Variants in PAQR7 observed in about 807,000 individuals in gnomAD.
The protein encoded by PAQR7 is membrane progestin receptor alpha.
In PAQR7, 14 loss-of-function variants were observed where a neutral mutation model predicts 24.6. The ratio of observed to expected loss-of-function variants is 0.57; its 90% CI spans 0.38 to 0.89. The LOEUF (loss-of-function observed/expected upper bound fraction) is 0.89. PAQR7 is among the 40% of genes least tolerant of loss of function. The pLI, the probability that PAQR7 is intolerant of heterozygous loss-of-function variation, is 0.00. For missense variants in PAQR7, 351 were observed against 444.0 expected (o/e 0.79, Z 1.88); for synonymous variants, 189 against 198.8 (o/e 0.95, Z 0.42).
Position 25,863,645 on chromosome 1 carries a change from C to A in PAQR7, c.195G>T (p.Leu65=), listed in dbSNP as rs747099473. ...TCACGGCCTCGTTGTGCTGCTGGAA[C>A]AGCGTGCGGAAATAGAAGCGCCAGG... The part of the protein sequence containing the change: ...HQTWRFYFRT[L]FQQHNEAVNV... The change falls in exon 3 of 3, where the codon CTG becomes CTT. Residue 65 remains leucine, a synonymous_variant. Transcript: ENST00000675840. The surrounding 1 kb of genome is among the most constrained non-coding windows in gnomAD (Gnocchi z 6.1). The A allele has an allele frequency of 6.2e-7, 1 of 1,614,184 alleles. No individual in the cohort carries two copies. The highest frequency in any genetic ancestry group is 8.5e-7 in the Non-Finnish European group (1 of 1,180,016).
In PAQR7 at chr1:25,863,233, GGCCCA is replaced by G. The variant is rs1168538064; in HGVS notation, c.602_606del (p.Leu201ProfsTer17). ...ACGGAGGGCACCTCCTGGCATGTGC[GGCCCA>G]GCAGGCCTGGTTTCTGGATGTACTT... On this transcript the variant is annotated frameshift_variant, in exon 3 of 3. Transcript: ENST00000675840. LOFTEE classifies it high-confidence loss of function. This position sits in a 1 kb window ranked among gnomAD's most constrained non-coding sequence, Gnocchi z 6.1. The G allele has an allele frequency of 1.2e-6, 2 of 1,614,126 alleles. No homozygotes were observed. Among genetic ancestry groups the G allele is most frequent in the Non-Finnish European group, 1.7e-6 (2 of 1,180,050 alleles).
chr1:25,868,104 C>T (rs975286429), intron 2 of PAQR7, among the ~76,000 whole-genome samples: 10 of 152,278 alleles, frequency 6.6e-5, no homozygotes, highest in African/African-American at 2.2e-4. Context: ...ACAATCTGGC[C>T]CCCACTCTTG....
chr1:25,869,162 G>A (rs141790720), intron 2 of PAQR7, among the ~76,000 whole-genome samples: 116 of 152,186 alleles, frequency 7.6e-4, no homozygotes, highest in Non-Finnish European at 1.5e-4. Context: ...AATGTAGAAA[G>A]TGTTTACTAT....
At chr1:25,867,236 T>C (rs12059832) in intron 2 of PAQR7, among the ~76,000 whole-genome samples, 4,102 of 149,932 alleles carry the variant, frequency 0.027, 195 homozygotes, top group African/African-American at 0.094. Context: ...GGGTCTCACT[T>C]TGTTGCCCAG....
At position 25,862,994 on chromosome 1, in the gene PAQR7, CAAG is replaced by C. The variant is rs1160098290; in HGVS notation, c.843_845del (p.Phe281del). 6.2e-6 allele frequency: 10 copies of C among 1,614,150 alleles called. No homozygotes were observed. The South Asian group carries it at 6.6e-5, about 11-fold the overall frequency. ...CCAGCTGAGCCAGCGTGCACAGCAC[CAAG>C]AAGATGTGGAAAAGTTGGTGGCCCT... On this transcript the variant is annotated inframe_deletion, in exon 3 of 3. Coordinates refer to ENST00000675840, the MANE Select transcript of PAQR7 (RefSeq NM_178422.6).
Position 25,863,474 on chromosome 1 carries a change from G to A in PAQR7, c.366C>T (p.Ala122=). 6.2e-7 allele frequency: 1 copy of A among 1,614,222 alleles called. No individual in the cohort carries two copies. Among genetic ancestry groups the A allele is most frequent in the Non-Finnish European group, 8.5e-7 (1 of 1,180,042 alleles). The part of the protein sequence containing the change: ...LASFTYLSFS[A]LAHLLQAKSE... Reference sequence around the variant, plus strand: ...ACTTGGCCTGCAGGAGGTGAGCCAAGGCACTGAAGGAGAGGTAGGTGAAAG... The same window carrying A: ...ACTTGGCCTGCAGGAGGTGAGCCAAAGCACTGAAGGAGAGGTAGGTGAAAG... The change falls in exon 3 of 3, where the codon GCC becomes GCT. Residue 122 remains alanine (A), a synonymous_variant. Coordinates refer to ENST00000675840, the MANE Select transcript of PAQR7 (RefSeq NM_178422.6). The surrounding 1 kb of genome is among the most constrained non-coding windows in gnomAD (Gnocchi z 6.1).
Position 25,863,737 on chromosome 1 carries a change from G to A in PAQR7, c.103C>T (p.Arg35Ter), listed in dbSNP as rs1308220681. Reference sequence around the variant, plus strand: ...CAGAAGAGCGGCGGCACCTCAGCTCGATCCACCGTGAAGACAGGCTCTGGC... The same window carrying A: ...CAGAAGAGCGGCGGCACCTCAGCTCAATCCACCGTGAAGACAGGCTCTGGC... ...LQPEPVFTVDRAEVPPLFWKP... is the reference protein window; with the variant it reads ...LQPEPVFTVD Residue 35 changes from arginine (R) to a stop codon, truncating the protein, a stop_gained, in exon 3 of 3, where the codon CGA becomes TGA. Coordinates refer to ENST00000675840, the MANE Select transcript of PAQR7 (RefSeq NM_178422.6). LOFTEE classifies it high-confidence loss of function. The surrounding 1 kb of genome is among the most constrained non-coding windows in gnomAD (Gnocchi z 6.1). 43 of 1,613,818 alleles carry A rather than the reference G, an allele frequency of 2.7e-5. No homozygotes were observed. Among genetic ancestry groups the A allele is most frequent in the South Asian group, 4.4e-5 (4 of 91,080 alleles).
chr1:25,874,944 C>G (rs1432601704), intron 1 of PAQR7, among the ~76,000 whole-genome samples: 3 of 152,146 alleles, frequency 2.0e-5, no homozygotes, highest in Non-Finnish European at 4.4e-5. Context: ...GTTCCTGGAT[C>G]CCTAAGTGGG....
chr1:25,864,587 C>A (rs912730815), intron 2 of PAQR7, among the ~76,000 whole-genome samples: 4 of 152,206 alleles, frequency 2.6e-5, no homozygotes, highest in Non-Finnish European at 2.9e-5. Flanking sequence ...GCTAGGCATG[C>A]GGCCTCACTC....
intron 1 of PAQR7, among the ~76,000 whole-genome samples, chr1:25,874,378 G>A (rs1292304715): frequency 6.6e-6 from 1 of 152,142 alleles, no homozygotes; most frequent in Non-Finnish European, 1.5e-5. Flanking sequence ...GTATTCTGTG[G>A]AGCTGAGACT....
In PAQR7 at chr1:25,863,522, G is replaced by A; in HGVS notation, c.318C>T (p.Pro106=). 3 of 1,614,192 alleles carry A rather than the reference G, an allele frequency of 1.9e-6. No homozygotes were observed. The highest frequency in any genetic ancestry group is 2.5e-6 in the Non-Finnish European group (3 of 1,180,040). The stretch of plus-strand genomic sequence containing the variant: ...AAGAGGCAAGGACAATGATGAAGAG[G>A]GGCAGGGCGTGTGGGTCTCCCCAGA... ...VDFWGDPHAL[P]LFIIVLASFT... Residue 106 remains proline (P), a synonymous_variant, in exon 3 of 3, where the codon CCC becomes CCT. Transcript: ENST00000675840. The surrounding 1 kb of genome is among the most constrained non-coding windows in gnomAD (Gnocchi z 6.1).
At position 25,863,386 on chromosome 1, in the gene PAQR7, C is replaced by G; in HGVS notation, c.454G>C (p.Gly152Arg). ...TAGTAGAAGTGTGCCAAGGCACTGC[C>G]AAACTGGTACACGGCCACCCCCACA... ...DYVGVAVYQFGSALAHFYYAI... is the reference protein window; with the variant it reads ...DYVGVAVYQFRSALAHFYYAI... Residue 152 changes from glycine to arginine, a missense_variant, in exon 3 of 3, where the codon GGC (glycine) becomes CGC (arginine). Transcript: ENST00000675840. This position sits in a 1 kb window ranked among gnomAD's most constrained non-coding sequence, Gnocchi z 6.1. 5.0e-6 allele frequency: 8 copies of G among 1,614,232 alleles called. No individual in the cohort carries two copies. The highest frequency in any genetic ancestry group is 6.8e-6 in the Non-Finnish European group (8 of 1,180,044).
chr1:25,866,309 C>T (rs1049826234), intron 2 of PAQR7, among the ~76,000 whole-genome samples: 1 of 152,172 alleles, frequency 6.6e-6, no homozygotes, highest in Non-Finnish European at 1.5e-5. Context: ...TCCTTTAAGA[C>T]CACTACAAGC....
chr1:25,865,669 G>A (rs1297489297), intron 2 of PAQR7, among the ~76,000 whole-genome samples: 2 of 152,172 alleles, frequency 1.3e-5, no homozygotes, highest in African/African-American at 4.8e-5. Flanking sequence ...TTAGCCAGGC[G>A]TGGTGGCAGA....
At chr1:25,871,522 C>A (rs1270447091) in intron 1 of PAQR7, among the ~76,000 whole-genome samples, 1 of 152,096 alleles carries the variant, frequency 6.6e-6, no homozygotes, top group Non-Finnish European at 1.5e-5. Flanking sequence ...TCAGCCTGAG[C>A]CGCTCCTTCC....
chr1:25,874,178 C>G (rs1283012030), intron 1 of PAQR7, among the ~76,000 whole-genome samples: 1 of 130,754 alleles, frequency 7.6e-6, no homozygotes, highest in Non-Finnish European at 1.6e-5. Flanking sequence ...CCACCATGCC[C>G]AGACTTTTTT....
chr1:25,873,986 C>T (rs1189457390), intron 1 of PAQR7, among the ~76,000 whole-genome samples: 4 of 152,114 alleles, frequency 2.6e-5, no homozygotes, highest in Admixed American at 6.5e-5. Context: ...CGGCTTCAAG[C>T]GATTCTCCTG....
At chr1:25,867,236 T>G (rs12059832) in intron 2 of PAQR7, among the ~76,000 whole-genome samples, 1 of 149,814 alleles carries the variant, frequency 6.7e-6, no homozygotes, top group Non-Finnish European at 1.5e-5. Flanking sequence ...GGGTCTCACT[T>G]TGTTGCCCAG....
chr1:25,872,561 G>A (rs535273131), intron 1 of PAQR7, among the ~76,000 whole-genome samples: 1 of 146,270 alleles, frequency 6.8e-6, no homozygotes, highest in Non-Finnish European at 1.5e-5. Context: ...TGTCCCCCAG[G>A]CTGGAGTGCA....
Sources: allele counts gnomAD v4.1 joint callset (sites outside exome capture counted in the v4.1 genomes callset), GRCh38; gene constraint gnomAD v4.1.1; non-coding constraint Gnocchi (gnomAD v3.1); transcripts MANE v1.5; gene names NCBI Gene and HGNC (gene_info 2026-07-23, HGNC 2026-07-21).